Variants in EPB41L1 observed in about 807,000 individuals in gnomAD.
EPB41L1 encodes the protein erythrocyte membrane protein band 4.1 like 1, also known as band 4.1-like protein 1.
In EPB41L1, 29 loss-of-function variants were observed where a neutral mutation model predicts 97.8. That is an observed-to-expected ratio of 0.30 (90% CI 0.22 to 0.40). The LOEUF (loss-of-function observed/expected upper bound fraction) is 0.40, where lower values mean the gene tolerates loss of function less well. Ranked by LOEUF, EPB41L1 falls within the 10% of genes least tolerant of loss-of-function variation. EPB41L1 has a pLI of 1.00. For synonymous variants in EPB41L1, 383 were observed against 459.2 expected (o/e 0.83, Z 2.12); for missense variants, 812 against 1,162.3 (o/e 0.70, Z 4.38).
At chr20:36,192,042 A>G (rs372102554) in intron 11 of EPB41L1, among the ~76,000 whole-genome samples, 3 of 152,206 alleles carry the variant, frequency 2.0e-5, no homozygotes, top group Admixed American at 1.3e-4. Flanking sequence ...CCTGACCAAT[A>G]TGATGAAACC....
rs1008820843 is a variant in EPB41L1 at position 36,092,841 on chromosome 20, C to A, written c.-65+1229C>A. 1 of 152,466 alleles carries A rather than the reference C, an allele frequency of 6.6e-6. No homozygotes were observed. The highest frequency in any genetic ancestry group is 1.5e-5 in the Non-Finnish European group (1 of 68,062). 9.4% of individuals were successfully genotyped at this position (152,466 alleles called of 1,614,324 possible). ...TAGCCGCACCCGCCGTCCCCCTCCG[C>A]GTCCCGGGGACCCCGCCGCGTCGGG... On this transcript the variant is annotated intron_variant, in intron 1 of 19. Coordinates refer to the EPB41L1 transcript ENST00000202028. This position sits in a 1 kb window ranked among gnomAD's most constrained non-coding sequence, Gnocchi z 7.0.
intron 14 of EPB41L1, among the ~76,000 whole-genome samples, chr20:36,198,700 C>G (rs773760813): frequency 6.6e-6 from 1 of 152,242 alleles, no homozygotes; most frequent in African/African-American, 2.4e-5. Context: ...TTTAGACTCT[C>G]AAGTCAGTAT....
chr20:36,227,963 A>C (rs1033599047), intron 21 of EPB41L1, among the ~76,000 whole-genome samples: 1 of 152,148 alleles, frequency 6.6e-6, no homozygotes, highest in African/African-American at 2.4e-5. Flanking sequence ...TAACCTTCCA[A>C]AATTTAATGG....
chr20:36,177,895 C>T (rs902082666), intron 3 of EPB41L1, 57 bp from the exon 4 acceptor site: 16 of 1,423,692 alleles, frequency 1.1e-5, no homozygotes, highest in African/African-American at 5.6e-5. Context: ...CAGGGTATCT[C>T]CCAGCCTCGC....
intron 3 of EPB41L1, among the ~76,000 whole-genome samples, chr20:36,177,069 A>C (rs1330102616): frequency 6.6e-6 from 1 of 152,170 alleles, no homozygotes; most frequent in East Asian, 1.9e-4. Context: ...TGCACAAAGC[A>C]TTTGACTGAG....
At chr20:36,106,510 T>C (rs1347310188) in intron 1 of EPB41L1, among the ~76,000 whole-genome samples, 3 of 152,242 alleles carry the variant, frequency 2.0e-5, no homozygotes, top group East Asian at 3.9e-4. Flanking sequence ...AGTTCCTATT[T>C]TGGGGAGGTT....
At position 36,219,861 on chromosome 20, in the gene EPB41L1, CG is replaced by C. The variant is rs2147051897; in HGVS notation, c.2439+18del. 6.2e-7 allele frequency: 1 copy of C among 1,610,452 alleles called. No homozygotes were observed. The highest frequency in any genetic ancestry group is 2.2e-5 in the East Asian group (1 of 44,864). ...GTCACCAAAGTGAGTAGCAGCAGGG[CG>C]CCCCATGCCCCCAGCCGAGCTGCAG... On this transcript the variant is annotated intron_variant, in intron 19 of 21. Coordinates refer to ENST00000338074, the MANE Select transcript of EPB41L1 (RefSeq NM_012156.2).
chr20:36,108,387 T>TA (rs939586465), intron 1 of EPB41L1, among the ~76,000 whole-genome samples: 5 of 151,920 alleles, frequency 3.3e-5, no homozygotes, highest in African/African-American at 1.2e-4. Context: ...AAAATGTAGG[T>TA]ACTAAGGCCA....
chr20:36,214,409 C>G lies in EPB41L1; in HGVS notation c.2237C>G (p.Ser746Cys). The change falls in exon 17 of 22, where the codon TCC (serine) becomes TGC (cysteine). Residue 746 changes from serine (S) to cysteine (C), a missense_variant. This residue lies in a region of EPB41L1 where 498 missense variants were observed against 622.7 expected (regional missense o/e 0.80). Coordinates refer to ENST00000338074, the MANE Select transcript of EPB41L1 (RefSeq NM_012156.2). ...VGREFIATTP[S>C]ITTETISTTM... Reference sequence around the variant, plus strand: ...AGGGAGTTCATAGCAACCACTCCCTCCATCACCACGGAGACCATATCGACC... The same window carrying G: ...AGGGAGTTCATAGCAACCACTCCCTGCATCACCACGGAGACCATATCGACC... 1 of 1,613,720 alleles carries G rather than the reference C, an allele frequency of 6.2e-7. No homozygotes were observed. Among genetic ancestry groups the G allele is most frequent in the Non-Finnish European group, 8.5e-7 (1 of 1,179,954 alleles).
chr20:36,096,766 C>T (rs993880168), intron 1 of EPB41L1, among the ~76,000 whole-genome samples: 1 of 152,234 alleles, frequency 6.6e-6, no homozygotes, highest in South Asian at 2.1e-4. Flanking sequence ...TGGGCAGGAA[C>T]TTGCTTACTA....
chr20:36,215,665 G>A (rs2063399490), intron 17 of EPB41L1, among the ~76,000 whole-genome samples: 1 of 152,046 alleles, frequency 6.6e-6, no homozygotes, highest in African/African-American at 2.4e-5. Context: ...ATTTAAATCC[G>A]TTCATATGGT....
Position 36,212,560 on chromosome 20 carries a change from G to A in EPB41L1, c.2184+184G>A, listed in dbSNP as rs2063195284. On this transcript the variant is annotated intron_variant, in intron 16 of 21. Coordinates refer to ENST00000338074, the MANE Select transcript of EPB41L1 (RefSeq NM_012156.2). This position sits in a 1 kb window ranked among gnomAD's most constrained non-coding sequence, Gnocchi z 4.8. ...TCTGAGCTCTGGGGAGGGGCAACGG[G>A]TAAAGCAGGTTCCTGTCCTGGGCAG... Among the ~76,000 whole-genome samples, 1 of 152,198 alleles carries A rather than the reference G, an allele frequency of 6.6e-6. No individual in the cohort carries two copies. Among genetic ancestry groups the A allele is most frequent in the Admixed American group, 6.5e-5 (1 of 15,284 alleles).
In EPB41L1 at chr20:36,154,787, G is replaced by T; in HGVS notation, c.-124G>T. Reference sequence around the variant, plus strand: ...GGGGTGTCGCCGAACAGGCTGCTCCGCAGAGCCCGCCGCGACCCCGCGCCG... The same window carrying T: ...GGGGTGTCGCCGAACAGGCTGCTCCTCAGAGCCCGCCGCGACCCCGCGCCG... On this transcript the variant is annotated 5_prime_UTR_variant, in exon 1 of 22. Transcript: ENST00000338074. The surrounding 1 kb of genome is among the most constrained non-coding windows in gnomAD (Gnocchi z 5.5). 1.0e-6 allele frequency: 1 copy of T among 988,570 alleles called. No homozygotes were observed. The highest frequency in any genetic ancestry group is 1.2e-6 in the Non-Finnish European group (1 of 831,886). 61.2% of individuals were successfully genotyped at this position (988,570 alleles called of 1,614,324 possible).
chr20:36,174,026 G>A (rs961374663), intron 2 of EPB41L1, 72 bp downstream of exon 2: 4 of 1,510,162 alleles, frequency 2.6e-6, no homozygotes, highest in Non-Finnish European at 3.6e-6. Flanking sequence ...TAGGGCTCCA[G>A]TATTTTTTCT....
intron 2 of EPB41L1, among the ~76,000 whole-genome samples, chr20:36,113,322 G>T (rs975444210): frequency 1.3e-5 from 2 of 152,086 alleles, no homozygotes; most frequent in African/African-American, 4.8e-5. Context: ...AATTGCCAGG[G>T]CTGTGATGTT....
chr20:36,225,672 G>C (rs942805129), intron 21 of EPB41L1, among the ~76,000 whole-genome samples: 20 of 152,204 alleles, frequency 1.3e-4, no homozygotes, highest in Admixed American at 4.6e-4. Context: ...CAGTCCTCTG[G>C]CTATTTGCTT....
rs1469007000 is a variant in EPB41L1 at position 36,093,327 on chromosome 20, GTGTGTGCGCGCGCGTCGC to G, written c.-65+1727_-65+1744del. On this transcript the variant is annotated intron_variant, in intron 1 of 19. Coordinates refer to the EPB41L1 transcript ENST00000202028. This position sits in a 1 kb window ranked among gnomAD's most constrained non-coding sequence, Gnocchi z 5.4. ...TGCAGCCTGTGGCGGGTGTGGGTGT[GTGTGTGCGCGCGCGTCGC>G]TGTGTGCGCGCCAGTGTAACTCCCG... Among the ~76,000 whole-genome samples the G allele has an allele frequency of 1.3e-5, 2 of 149,912 alleles. No individual in the cohort carries two copies. The highest frequency in any genetic ancestry group is 2.1e-4 in the South Asian group (1 of 4,714).
At chr20:36,152,391 T>G (rs1395989070), upstream of EPB41L1, 1 of 153,308 alleles carries the variant, frequency 6.5e-6, no homozygotes, top group East Asian at 1.9e-4. Flanking sequence ...AGGCTCCATC[T>G]GGTTGAGGAG....
chr20:36,188,504 G>A lies in EPB41L1; in HGVS notation c.1026+5G>A, dbSNP rs754073134. 1 of 1,610,954 alleles carries A rather than the reference G, an allele frequency of 6.2e-7. No individual in the cohort carries two copies. ...ATCAAGATCCGGCCTGGGGAGGTGAGTCTGCCTTGGGAAACACTCCTCCTC... is the reference window on the plus strand; with the variant it reads ...ATCAAGATCCGGCCTGGGGAGGTGAATCTGCCTTGGGAAACACTCCTCCTC... On this transcript the variant is annotated splice_donor_5th_base_variant and intron_variant, in intron 9 of 21. Coordinates refer to ENST00000338074, the MANE Select transcript of EPB41L1 (RefSeq NM_012156.2).
Sources: allele counts gnomAD v4.1 joint callset (sites outside exome capture counted in the v4.1 genomes callset), GRCh38; gene constraint gnomAD v4.1.1; regional missense constraint gnomAD v4.1.1; non-coding constraint Gnocchi (gnomAD v3.1); transcripts MANE v1.5; gene names NCBI Gene and HGNC (gene_info 2026-07-23, HGNC 2026-07-21).